The following PRKCA variants were observed in gnomAD, a reference collection of about 807,000 sequenced individuals.
PRKCA encodes protein kinase C alpha.
A neutral mutation model predicts 87.0 loss-of-function variants in PRKCA; 27 were observed. The ratio of observed to expected loss-of-function variants is 0.31; its 90% CI spans 0.23 to 0.43. The LOEUF (loss-of-function observed/expected upper bound fraction) is 0.43. PRKCA is among the 20% of genes least tolerant of loss of function. The pLI is 1.00. For synonymous variants in PRKCA, 329 were observed against 311.1 expected, an observed-to-expected ratio of 1.06 and a Z score of -0.61; for missense variants, 518 against 852.3, an observed-to-expected ratio of 0.61 and a Z score of 4.88.
At chr17:66,320,875 A>G (rs1185703669) in intron 2 of PRKCA, among the ~76,000 whole-genome samples, 1 of 152,234 alleles carries the variant, frequency 6.6e-6, no homozygotes, top group Non-Finnish European at 1.5e-5. Context: ...TCCCTAAACA[A>G]GATTTAAAGC....
In PRKCA at chr17:66,684,922, C is replaced by A. The variant is rs542458438; in HGVS notation, c.530-2189C>A. Among the ~76,000 whole-genome samples, 8 of 152,322 alleles carry A rather than the reference C, an allele frequency of 5.3e-5. No homozygotes were observed. The East Asian group carries it at 1.5e-3, about 29-fold the overall frequency. ...TCAGAGAGAGACCGTTGGCCTCTTTCCATTCCTCATGGGAGAGCTCCATTT... is the reference window on the plus strand; with the variant it reads ...TCAGAGAGAGACCGTTGGCCTCTTTACATTCCTCATGGGAGAGCTCCATTT... On this transcript the variant is annotated intron_variant, in intron 5 of 16. Transcript: ENST00000413366.
Position 66,645,509 on chromosome 17 carries a change from C to G in PRKCA, c.527C>G (p.Thr176Arg). Residue 176 changes from threonine to arginine, a missense_variant and splice_region_variant, in exon 5 of 17, where the codon ACA becomes AGA. This residue lies in a region of PRKCA where 300 missense variants were observed against 496.8 expected (regional missense o/e 0.60). Coordinates refer to ENST00000413366, the MANE Select transcript of PRKCA (RefSeq NM_002737.3). The part of the protein sequence containing the change: ...AEVADEKLHV[T>R]VRDAKNLIPM... ...GTTGCTGATGAAAAGCTCCATGTCA[C>G]AGGTAAGGCTTGCTCATCCCGGAGC... 14 of 1,614,168 alleles carry G rather than the reference C, an allele frequency of 8.7e-6. No homozygotes were observed. The highest frequency in any genetic ancestry group is 1.2e-5 in the Non-Finnish European group (14 of 1,180,022).
intron 3 of PRKCA, among the ~76,000 whole-genome samples, chr17:66,621,183 A>G (rs1215727939): frequency 6.6e-6 from 1 of 152,326 alleles, no homozygotes; most frequent in Non-Finnish European, 1.5e-5. Context: ...GTCCCAGTCA[A>G]TGAAAACTTG....
intron 2 of PRKCA, among the ~76,000 whole-genome samples, chr17:66,441,295 G>A (rs1913739388): frequency 6.6e-6 from 1 of 151,528 alleles, no homozygotes. Flanking sequence ...AGTGAGCTGT[G>A]ATCACACCTC....
At chr17:66,448,105 T>C (rs1254144390) in intron 2 of PRKCA, among the ~76,000 whole-genome samples, 1 of 152,208 alleles carries the variant, frequency 6.6e-6, no homozygotes, top group African/African-American at 2.4e-5. Flanking sequence ...TTCTTTAGAA[T>C]AGAATCGTGG....
chr17:66,774,863 A>T, intron 14 of PRKCA: 1 of 985,416 alleles, frequency 1.0e-6, no homozygotes, highest in Non-Finnish European at 1.2e-6. Context: ...TTTTCACTGA[A>T]GTCCAGTGAG....
intron 3 of PRKCA, among the ~76,000 whole-genome samples, chr17:66,527,453 T>A (rs1028247010): frequency 2.6e-5 from 4 of 152,212 alleles, no homozygotes; most frequent in Non-Finnish European, 5.9e-5. Flanking sequence ...TTATTATTAA[T>A]GTTTTGTGGC....
chr17:66,593,120 A>G (rs1969863303), intron 3 of PRKCA, among the ~76,000 whole-genome samples: 1 of 152,196 alleles, frequency 6.6e-6, no homozygotes, highest in Non-Finnish European at 1.5e-5. Flanking sequence ...AGAAACATTT[A>G]TTTAGAGTTT....
chr17:66,781,882 T>G (rs1356247688), intron 14 of PRKCA, among the ~76,000 whole-genome samples: 106 of 125,338 alleles, frequency 8.5e-4, no homozygotes, highest in African/African-American at 3.1e-3. Context: ...TATATATATA[T>G]ATATAGTGTG....
chr17:66,333,113 C>G lies in PRKCA; in HGVS notation c.205+26986C>G, dbSNP rs193291880. Among the ~76,000 whole-genome samples the G allele has an allele frequency of 3.3e-5, 5 of 152,260 alleles. No individual in the cohort carries two copies. In the South Asian group the frequency reaches 1.0e-3, roughly 32 times the overall value. ...AAATTTTCCTTTACAACCATTTGAC[C>G]AGTTACCTCTGTTTCATCTGCCATA... On this transcript the variant is annotated intron_variant, in intron 2 of 16. Coordinates refer to ENST00000413366, the MANE Select transcript of PRKCA (RefSeq NM_002737.3).
At chr17:66,684,910 G>A (rs1471482226) in intron 5 of PRKCA, among the ~76,000 whole-genome samples, 10 of 152,164 alleles carry the variant, frequency 6.6e-5, no homozygotes, top group Non-Finnish European at 1.3e-4. Context: ...GAGAGAGACC[G>A]TTGGCCTCTT....
Position 66,623,617 on chromosome 17 carries a change from A to G in PRKCA, c.289-17738A>G, listed in dbSNP as rs142512302. 2.3e-3 allele frequency among the ~76,000 whole-genome samples: 345 copies of G among 152,348 alleles called. 1 individual carries two copies. The highest frequency in any genetic ancestry group is 8.0e-3 in the African/African-American group (332 of 41,584). On this transcript the variant is annotated intron_variant, in intron 3 of 16. Coordinates refer to ENST00000413366, the MANE Select transcript of PRKCA (RefSeq NM_002737.3). The stretch of plus-strand genomic sequence containing the variant: ...CCCTCTTTTGGGTGCTGGAAGCTCA[A>G]CCATGAGCAAGGCAGATCAGGTCCC...
At chr17:66,782,886 G>A (rs780245191) in intron 14 of PRKCA, among the ~76,000 whole-genome samples, 1 of 152,222 alleles carries the variant, frequency 6.6e-6, no homozygotes, top group Non-Finnish European at 1.5e-5. Context: ...GCCTGGGTTA[G>A]CACCTGTGTC....
intron 2 of PRKCA, among the ~76,000 whole-genome samples, chr17:66,320,618 T>G (rs1270364071): frequency 2.0e-5 from 3 of 152,158 alleles, no homozygotes; most frequent in Non-Finnish European, 4.4e-5. Flanking sequence ...GACTTTTGAT[T>G]TGTATTGGAT....
At chr17:66,701,058 A>G (rs1209963730) in intron 8 of PRKCA, among the ~76,000 whole-genome samples, 1 of 152,196 alleles carries the variant, frequency 6.6e-6, no homozygotes, top group African/African-American at 2.4e-5. Context: ...TTACACATCT[A>G]TAATAATCAA....
chr17:66,365,385 G>A (rs1036977126), intron 2 of PRKCA, among the ~76,000 whole-genome samples: 39 of 152,152 alleles, frequency 2.6e-4, no homozygotes, highest in Admixed American at 2.5e-3. Flanking sequence ...GAAAAGGAGA[G>A]GGTGTGAGTA....
intron 2 of PRKCA, among the ~76,000 whole-genome samples, chr17:66,424,489 C>T (rs1031604020): frequency 2.0e-5 from 3 of 151,382 alleles, no homozygotes; most frequent in African/African-American, 7.3e-5. Context: ...ATTGCTTGAA[C>T]CCAGGAGGCA....
chr17:66,776,861 AGT>A (rs1460941637), intron 14 of PRKCA, among the ~76,000 whole-genome samples: 2 of 152,264 alleles, frequency 1.3e-5, no homozygotes, highest in African/African-American at 4.8e-5. Context: ...CGGCATGTGC[AGT>A]GTGTTTACTG....
intron 5 of PRKCA, among the ~76,000 whole-genome samples, 164 bp from the exon 6 acceptor site, chr17:66,686,947 G>T (rs990810766): frequency 6.6e-6 from 1 of 152,090 alleles, no homozygotes; most frequent in Non-Finnish European, 1.5e-5. Flanking sequence ...GGTGGCAGCG[G>T]GTAGCTTTTC....
Sources: allele counts gnomAD v4.1 joint callset (sites outside exome capture counted in the v4.1 genomes callset), GRCh38; gene constraint gnomAD v4.1.1; regional missense constraint gnomAD v4.1.1; transcripts MANE v1.5; gene names NCBI Gene and HGNC (gene_info 2026-07-23, HGNC 2026-07-21).